Variants in TLDC2 observed in about 807,000 individuals in gnomAD.
TLDC2 encodes the protein TBC/LysM-associated domain containing 2.
In TLDC2, 23 loss-of-function variants were observed where a neutral mutation model predicts 27.9. The ratio of observed to expected loss-of-function variants is 0.82; its 90% CI spans 0.59 to 1.17. TLDC2 has a LOEUF of 1.17. TLDC2 is among the 50% of genes most tolerant of loss of function. TLDC2 has a pLI of 0.00. For synonymous variants in TLDC2, 124 were observed against 107.4 expected, an observed-to-expected ratio of 1.16 and a Z score of -0.96; for missense variants, 286 against 273.4, an observed-to-expected ratio of 1.05 and a Z score of -0.32.
intron 1 of TLDC2, among the ~76,000 whole-genome samples, chr20:36,877,597 T>C (rs1410602935): frequency 1.3e-5 from 2 of 152,012 alleles, no homozygotes; most frequent in Non-Finnish European, 2.9e-5. Context: ...CCCAGGACCA[T>C]GGCAAACAGA....
intron 2 of TLDC2, 114 bp downstream of exon 2, chr20:36,878,168 A>G (rs567212933): frequency 1.7e-6 from 2 of 1,164,980 alleles, no homozygotes; most frequent in South Asian, 3.3e-5. Flanking sequence ...CTCTGTTCTC[A>G]TCATGCGTTA....
chr20:36,878,983 G>C, intron 2 of TLDC2, 58 bp from the exon 3 acceptor site: 5 of 1,613,294 alleles, frequency 3.1e-6, no homozygotes, highest in Non-Finnish European at 4.2e-6. Flanking sequence ...CCCACCCCCA[G>C]GATATGGCAG....
chr20:36,876,358 G>C, intron 1 of TLDC2, 151 bp downstream of exon 1: 1 of 1,025,606 alleles, frequency 9.8e-7, no homozygotes, highest in Non-Finnish European at 1.5e-6. Flanking sequence ...TTGGAGCAAG[G>C]ACTGACTCAG....
At chr20:36,886,294 G>C (rs1989919108) in intron 4 of TLDC2, among the ~76,000 whole-genome samples, 1 of 152,082 alleles carries the variant, frequency 6.6e-6, no homozygotes, top group East Asian at 1.9e-4. Context: ...TGACCAGCTA[G>C]GTTTAAAAAT....
intron 3 of TLDC2, among the ~76,000 whole-genome samples, chr20:36,879,729 T>C (rs1395479717): frequency 2.0e-5 from 3 of 151,480 alleles, no homozygotes; most frequent in African/African-American, 4.9e-5. Flanking sequence ...ATTAGCCAGG[T>C]GTGGTGGTGT....
intron 4 of TLDC2, among the ~76,000 whole-genome samples, chr20:36,885,800 A>G (rs979000794): frequency 2.0e-5 from 3 of 152,226 alleles, no homozygotes; most frequent in African/African-American, 7.2e-5. Flanking sequence ...CCAGGAATAC[A>G]GCCAGGAAGA....
chr20:36,893,170 G>T lies in TLDC2; in HGVS notation c.*326G>T. ...TGCGCACATCCTCATCTTGCATATA[G>T]ATTGCTTCTAGCTGTCCTCAATCCA... On this transcript the variant is annotated 3_prime_UTR_variant, in exon 7 of 7. Transcript: ENST00000217320. 7.0e-7 allele frequency: 1 copy of T among 1,428,534 alleles called. No individual in the cohort carries two copies. The highest frequency in any genetic ancestry group is 9.7e-7 in the Non-Finnish European group (1 of 1,029,274). 88.5% of individuals were successfully genotyped at this position (1,428,534 alleles called of 1,614,324 possible). A position where few individuals can be genotyped will look rare whatever the true frequency, so the allele number is the denominator to read the frequency against.
Position 36,892,981 on chromosome 20 carries a change from C to A in TLDC2, c.*137C>A, listed in dbSNP as rs150713148. 6.2e-7 allele frequency: 1 copy of A among 1,613,944 alleles called. No individual in the cohort carries two copies. The highest frequency in any genetic ancestry group is 8.5e-7 in the Non-Finnish European group (1 of 1,180,008). ...CTGGACTCTGCTTTTGGATGCTTCT[C>A]GGAGGCGAGTTGGATTTTGGACTGA... is the stretch of plus-strand genomic sequence containing the variant. On this transcript the variant is annotated 3_prime_UTR_variant, in exon 7 of 7. Transcript: ENST00000217320.
intron 1 of TLDC2, among the ~76,000 whole-genome samples, chr20:36,877,609 C>A (rs185110476): frequency 1.2e-3 from 190 of 152,260 alleles, no homozygotes; most frequent in African/African-American, 4.2e-3. Context: ...GCAAACAGAC[C>A]GACAAGTCGC....
At chr20:36,888,080 A>C (rs1396985199) in intron 5 of TLDC2, among the ~76,000 whole-genome samples, 1 of 152,122 alleles carries the variant, frequency 6.6e-6, no homozygotes, top group Non-Finnish European at 1.5e-5. Context: ...GCAGCTTGGC[A>C]CAGAACACAT....
chr20:36,882,371 AT>A (rs1300329631), intron 4 of TLDC2, among the ~76,000 whole-genome samples: 1 of 151,688 alleles, frequency 6.6e-6, no homozygotes, highest in Non-Finnish European at 1.5e-5. Flanking sequence ...GCAAGATGCC[AT>A]TTTCCACAAA....
At position 36,892,986 on chromosome 20, in the gene TLDC2, G is replaced by C. The variant is rs1194588833; in HGVS notation, c.*142G>C. The C allele has an allele frequency of 2.5e-6, 4 of 1,614,054 alleles. No homozygotes were observed. Among genetic ancestry groups the C allele is most frequent in the Non-Finnish European group, 3.4e-6 (4 of 1,180,020 alleles). The stretch of plus-strand genomic sequence containing the variant: ...CTCTGCTTTTGGATGCTTCTCGGAG[G>C]CGAGTTGGATTTTGGACTGAAGTAC... On this transcript the variant is annotated 3_prime_UTR_variant, in exon 7 of 7. Transcript: ENST00000217320.
At chr20:36,883,264 G>A (rs1413367956) in intron 4 of TLDC2, among the ~76,000 whole-genome samples, 1 of 151,796 alleles carries the variant, frequency 6.6e-6, no homozygotes. Context: ...AGCCTCCCAA[G>A]TAGCTGGGAC....
chr20:36,878,145 A>G, intron 2 of TLDC2, 91 bp downstream of exon 2: 1 of 1,402,738 alleles, frequency 7.1e-7, no homozygotes, highest in Non-Finnish European at 9.6e-7. Flanking sequence ...AGGGGCACCT[A>G]GAGTCACTCT....
At chr20:36,878,408 C>G (rs911296490) in intron 2 of TLDC2, among the ~76,000 whole-genome samples, 1 of 152,122 alleles carries the variant, frequency 6.6e-6, no homozygotes, top group African/African-American at 2.4e-5. Context: ...TGGCAAAACC[C>G]TGTCTCTACT....
At chr20:36,887,315 G>T (rs1989941902) in intron 4 of TLDC2, 140 bp from the exon 5 acceptor site, 1 of 735,728 alleles carries the variant, frequency 1.4e-6, no homozygotes, top group Non-Finnish European at 2.5e-6. Context: ...AGATCCCTGA[G>T]CCCGGAGTCC....
intron 4 of TLDC2, among the ~76,000 whole-genome samples, chr20:36,882,636 C>T (rs1679333025): frequency 6.6e-6 from 1 of 152,198 alleles, no homozygotes; most frequent in African/African-American, 2.4e-5. Flanking sequence ...CACATCCAGT[C>T]ACACAGTCAT....
chr20:36,891,658 G>A (rs1184084125), intron 6 of TLDC2: 1 of 152,222 alleles, frequency 6.6e-6, no homozygotes, highest in African/African-American at 2.4e-5. Flanking sequence ...CCACTGGGTG[G>A]TCACTAATTT....
Position 36,877,995 on chromosome 20 carries a change from CCCA to C in TLDC2, c.132_134del (p.Thr45del). 1 of 1,614,102 alleles carries C rather than the reference CCCA, an allele frequency of 6.2e-7. No homozygotes were observed. The highest frequency in any genetic ancestry group is 8.5e-7 in the Non-Finnish European group (1 of 1,179,970). On this transcript the variant is annotated inframe_deletion, in exon 2 of 7. Transcript: ENST00000217320. The stretch of plus-strand genomic sequence containing the variant: ...AGACCCAGCTGCTGCTCCTGAGGAT[CCCA>C]CGGTGCCCCAGCTGACAGAAGCCAG...
Sources: allele counts gnomAD v4.1 joint callset (sites outside exome capture counted in the v4.1 genomes callset), GRCh38; gene constraint gnomAD v4.1.1; transcripts MANE v1.5; gene names NCBI Gene and HGNC (gene_info 2026-07-23, HGNC 2026-07-21).